ZNF385D: variants seen among roughly 807,000 people sequenced by gnomAD.
ZNF385D encodes zinc finger protein 385D.
In ZNF385D, 15 loss-of-function variants were observed where a neutral mutation model predicts 35.8. The ratio of observed to expected loss-of-function variants is 0.42; its 90% confidence interval spans 0.28 to 0.64. The LOEUF (loss-of-function observed/expected upper bound fraction) is 0.64. ZNF385D is among the 30% of genes least tolerant of loss of function. The probability of loss-of-function intolerance (pLI) is 0.23; values close to 1 mark genes in which losing one functional copy is unlikely to be tolerated. For missense variants in ZNF385D, 474 were observed against 494.6 expected (o/e 0.96, Z 0.39); for synonymous variants, 212 against 186.8 (o/e 1.13, Z -1.10).
At chr3:22,371,129 C>T (rs1288205315) in intron 2 of ZNF385D, among the ~76,000 whole-genome samples, 1 of 152,104 alleles carries the variant, frequency 6.6e-6, no homozygotes, top group African/African-American at 2.4e-5. Context: ...TTGAAATGAC[C>T]CATATTTGCC....
chr3:21,959,356 A>G (rs1170119935), intron 3 of ZNF385D, among the ~76,000 whole-genome samples: 1 of 152,108 alleles, frequency 6.6e-6, no homozygotes, highest in Non-Finnish European at 1.5e-5. Context: ...CTCCTTCAGG[A>G]TATTTTTTTT....
chr3:21,742,921 T>A (rs2069587869), intron 1 of ZNF385D, among the ~76,000 whole-genome samples: 1 of 152,234 alleles, frequency 6.6e-6, no homozygotes, highest in African/African-American at 2.4e-5. Flanking sequence ...CATTTGTATA[T>A]GAGTTGGAGA....
At chr3:21,704,127 A>G (rs1488247192) in intron 1 of ZNF385D, among the ~76,000 whole-genome samples, 1 of 152,230 alleles carries the variant, frequency 6.6e-6, no homozygotes. Flanking sequence ...AAGTTAGAAC[A>G]GATTACTCTA....
At position 22,091,361 on chromosome 3, in the gene ZNF385D, G is replaced by T. The variant is rs191285503; in HGVS notation, c.325+77456C>A. ...AGATACTGTAGGGGATTCTGCCATTGGGATGGATTCCCTGATTTCAACAGG... is the reference window on the plus strand; with the variant it reads ...AGATACTGTAGGGGATTCTGCCATTTGGATGGATTCCCTGATTTCAACAGG... On this transcript the variant is annotated intron_variant, in intron 3 of 5. Transcript: ENST00000494108. Among the ~76,000 whole-genome samples, 243 of 152,284 alleles carry T rather than the reference G, an allele frequency of 1.6e-3. 1 individual carries two copies. Among genetic ancestry groups the T allele is most frequent in the African/African-American group, 5.3e-3 (221 of 41,572 alleles).
At chr3:22,046,587 T>A (rs1032531260) in intron 3 of ZNF385D, among the ~76,000 whole-genome samples, 3 of 152,118 alleles carry the variant, frequency 2.0e-5, no homozygotes, top group Non-Finnish European at 2.9e-5. Context: ...TGAAGCATCA[T>A]TTTTTTCCTT....
chr3:22,365,055 G>A (rs1696589684), intron 2 of ZNF385D, among the ~76,000 whole-genome samples: 1 of 152,130 alleles, frequency 6.6e-6, no homozygotes, highest in South Asian at 2.1e-4. Context: ...CAATCATAGA[G>A]ACAGAAAATA....
chr3:22,095,713 A>G (rs1342178800), intron 3 of ZNF385D, among the ~76,000 whole-genome samples: 1 of 152,056 alleles, frequency 6.6e-6, no homozygotes, highest in African/African-American at 2.4e-5. Flanking sequence ...TTTAAAATAA[A>G]AGTATTCTTT....
intron 3 of ZNF385D, among the ~76,000 whole-genome samples, chr3:21,956,764 AT>A (rs531476861): frequency 1.5e-4 from 23 of 151,892 alleles, no homozygotes; most frequent in African/African-American, 3.9e-4. Flanking sequence ...AAAAAGATGG[AT>A]GCATGACTGC....
chr3:21,551,191 GCTGA>G (rs1255210553), intron 3 of ZNF385D, among the ~76,000 whole-genome samples: 1 of 152,114 alleles, frequency 6.6e-6, no homozygotes, highest in Non-Finnish European at 1.5e-5. Flanking sequence ...TCTAGGACAG[GCTGA>G]CTAAGCAGGA....
intron 3 of ZNF385D, among the ~76,000 whole-genome samples, chr3:22,105,487 A>T (rs1473269039): frequency 6.6e-6 from 1 of 152,158 alleles, no homozygotes; most frequent in South Asian, 2.1e-4. Flanking sequence ...TGGCTCACAC[A>T]ATTACGGAGG....
At chr3:21,724,025 C>T (rs2068650011) in intron 1 of ZNF385D, among the ~76,000 whole-genome samples, 1 of 152,124 alleles carries the variant, frequency 6.6e-6, no homozygotes, top group African/African-American at 2.4e-5. Flanking sequence ...AATGTTCAAG[C>T]TAGAATTTCA....
intron 2 of ZNF385D, among the ~76,000 whole-genome samples, chr3:22,356,512 G>A (rs911623164): frequency 9.2e-5 from 14 of 151,866 alleles, no homozygotes; most frequent in Admixed American, 6.6e-4. Context: ...AGAAACTTCC[G>A]TCTGAATGAG....
At chr3:21,542,789 G>A (rs1305943546) in intron 3 of ZNF385D, 10 of 152,220 alleles carry the variant, frequency 6.6e-5, no homozygotes, top group Non-Finnish European at 1.2e-4. Context: ...GCCTCGATCG[G>A]GGAACTCTGA....
chr3:21,558,171 T>A (rs2062810439), intron 3 of ZNF385D, among the ~76,000 whole-genome samples: 2 of 151,302 alleles, frequency 1.3e-5, no homozygotes, highest in Non-Finnish European at 2.9e-5. Flanking sequence ...TCTGCTCTGA[T>A]CTTAGTTATT....
intron 2 of ZNF385D, among the ~76,000 whole-genome samples, chr3:21,612,288 C>T (rs774703316): frequency 3.3e-5 from 5 of 152,024 alleles, no homozygotes; most frequent in East Asian, 1.9e-4. Flanking sequence ...TTAGTAGAGA[C>T]GGGGTATCAC....
At chr3:21,589,409 T>G (rs1211323316) in intron 2 of ZNF385D, among the ~76,000 whole-genome samples, 1 of 152,192 alleles carries the variant, frequency 6.6e-6, no homozygotes, top group East Asian at 1.9e-4. Flanking sequence ...GAAATGAATT[T>G]TGTACCCTAT....
intron 3 of ZNF385D, among the ~76,000 whole-genome samples, chr3:21,858,211 G>A (rs1252082764): frequency 6.7e-6 from 1 of 149,994 alleles, no homozygotes; most frequent in South Asian, 2.1e-4. Flanking sequence ...TCTCAGAAAC[G>A]TCAGAAAAAG....
intron 3 of ZNF385D, among the ~76,000 whole-genome samples, chr3:21,958,164 T>G (rs1447808488): frequency 6.6e-6 from 1 of 152,170 alleles, no homozygotes; most frequent in Non-Finnish European, 1.5e-5. Context: ...TAACTAAGCC[T>G]TGTAGATCAT....
intron 3 of ZNF385D, among the ~76,000 whole-genome samples, chr3:22,134,812 G>C (rs1011800972): frequency 8.5e-5 from 13 of 152,058 alleles, no homozygotes; most frequent in African/African-American, 2.9e-4. Context: ...GAGAGATAGT[G>C]ATAAAAGAGG....
Sources: allele counts gnomAD v4.1 joint callset (sites outside exome capture counted in the v4.1 genomes callset), GRCh38; gene constraint gnomAD v4.1.1; transcripts MANE v1.5; gene names NCBI Gene and HGNC (gene_info 2026-07-23, HGNC 2026-07-21).